LYPD6: variants seen among roughly 807,000 people sequenced by gnomAD.
LYPD6 encodes the protein ly6/PLAUR domain-containing protein 6.
LYPD6 carries 15 observed loss-of-function variants against 22.7 expected under a neutral mutation model. The ratio of observed to expected loss-of-function variants is 0.66; its 90% CI spans 0.44 to 1.02. The LOEUF is 1.02. LYPD6 is among the 50% of genes least tolerant of loss of function. The pLI, the probability that LYPD6 is intolerant of heterozygous loss-of-function variation, is 0.00. For missense variants in LYPD6, 189 were observed against 208.4 expected, an observed-to-expected ratio of 0.91 and a Z score of 0.57; for synonymous variants, 72 against 77.5, an observed-to-expected ratio of 0.93 and a Z score of 0.37.
intron 3 of LYPD6, among the ~76,000 whole-genome samples, chr2:149,466,439 A>G (rs1487037555): frequency 1.3e-5 from 2 of 152,062 alleles, no homozygotes; most frequent in African/African-American, 2.4e-5. Context: ...TGTTTCATGG[A>G]TTGGACTGGG....
At chr2:149,402,720 T>A (rs1010442952) in intron 1 of LYPD6, among the ~76,000 whole-genome samples, 2 of 152,126 alleles carry the variant, frequency 1.3e-5, no homozygotes, top group South Asian at 2.1e-4. Flanking sequence ...CCCACTTTTT[T>A]TTTATTTTTT....
intron 1 of LYPD6, among the ~76,000 whole-genome samples, chr2:149,337,332 G>A (rs764645297): frequency 2.0e-5 from 3 of 152,118 alleles, no homozygotes; most frequent in Non-Finnish European, 2.9e-5. Flanking sequence ...ATTCACTCAC[G>A]TTTTAGTTTG....
At chr2:149,372,205 C>T (rs918766549) in intron 1 of LYPD6, among the ~76,000 whole-genome samples, 3 of 152,150 alleles carry the variant, frequency 2.0e-5, no homozygotes, top group African/African-American at 7.2e-5. Context: ...CTTCAAGCTG[C>T]CGCAGCACAG....
chr2:149,483,961 G>C, the LYPD6 span, among the ~76,000 whole-genome samples: 4 of 152,184 alleles, frequency 2.6e-5, no homozygotes, highest in Non-Finnish European at 5.9e-5. Context: ...TAGGTCTCAA[G>C]TCATGGTTCA....
At chr2:149,480,571 T>TG in the LYPD6 span, among the ~76,000 whole-genome samples, 20 of 152,180 alleles carry the variant, frequency 1.3e-4, no homozygotes, top group African/African-American at 3.6e-4. Flanking sequence ...TTCCTGTGTG[T>TG]GGGGGGGTGT....
At position 149,372,055 on chromosome 2, in the gene LYPD6, G is replaced by A. The variant is rs1170871442; in HGVS notation, c.-72+41333G>A. Among the ~76,000 whole-genome samples the A allele has an allele frequency of 2.0e-5, 3 of 152,108 alleles. No individual in the cohort carries two copies. The East Asian group carries it at 5.8e-4, about 29-fold the overall frequency. ...AGCGGAGGCATTCCAGGGATTTGCT[G>A]CCCTGGGATATTTATTTGAATAGGT... On this transcript the variant is annotated intron_variant, in intron 1 of 4. Coordinates refer to ENST00000334166, the MANE Select transcript of LYPD6 (RefSeq NM_194317.5).
intron 1 of LYPD6, among the ~76,000 whole-genome samples, chr2:149,352,683 G>A (rs531649030): frequency 6.6e-6 from 1 of 152,194 alleles, no homozygotes; most frequent in Admixed American, 6.5e-5. Context: ...GGTTGGTTTT[G>A]CACTACAATG....
intron 1 of LYPD6, among the ~76,000 whole-genome samples, chr2:149,434,474 C>T (rs1683387367): frequency 6.6e-6 from 1 of 152,070 alleles, no homozygotes; most frequent in Non-Finnish European, 1.5e-5. Context: ...TTTCTCACTC[C>T]CATCTGCTCA....
intron 1 of LYPD6, among the ~76,000 whole-genome samples, chr2:149,331,171 T>C (rs914606904): frequency 6.6e-6 from 1 of 152,116 alleles, no homozygotes; most frequent in Non-Finnish European, 1.5e-5. Flanking sequence ...GTAGCCCGGC[T>C]GCGGCCACCC....
intron 1 of LYPD6, among the ~76,000 whole-genome samples, chr2:149,334,579 C>G (rs992346039): frequency 6.6e-6 from 1 of 152,016 alleles, no homozygotes; most frequent in Admixed American, 6.5e-5. Flanking sequence ...ATTGAAGAAG[C>G]CTGGTGTGTA....
At chr2:149,338,983 A>T (rs2105046963) in intron 1 of LYPD6, among the ~76,000 whole-genome samples, 1 of 152,290 alleles carries the variant, frequency 6.6e-6, no homozygotes, top group African/African-American at 2.4e-5. Context: ...GAGGAATTGG[A>T]TAAGAGCAAT....
chr2:149,395,293 T>C (rs58326622), intron 1 of LYPD6, among the ~76,000 whole-genome samples: 6,803 of 152,216 alleles, frequency 0.045, 502 homozygotes, highest in African/African-American at 0.15. Context: ...TGGATTTAAG[T>C]CTGGTATGAT....
Position 149,473,987 on chromosome 2 carries a change from G to A in LYPD6, c.*3137G>A, listed in dbSNP as rs1681402569. ...CTATTTTAAAATCGTATTCTATTTTGGGGGTTGTGTTAATGATGATGAACC... is the reference window on the plus strand; with the variant it reads ...CTATTTTAAAATCGTATTCTATTTTAGGGGTTGTGTTAATGATGATGAACC... On this transcript the variant is annotated 3_prime_UTR_variant, in exon 5 of 5. Transcript: ENST00000334166. 6.6e-6 allele frequency: 1 copy of A among 152,010 alleles called. No homozygotes were observed. Among genetic ancestry groups the A allele is most frequent in the African/African-American group, 2.4e-5 (1 of 41,370 alleles). The allele number at this position is 152,010 out of a possible 1,614,324, so 9.4% of individuals were successfully genotyped here. A position where few individuals can be genotyped will look rare whatever the true frequency, so the allele number is the denominator to read the frequency against.
chr2:149,440,715 T>TTG, intron 2 of LYPD6, among the ~76,000 whole-genome samples: 1 of 145,720 alleles, frequency 6.9e-6, no homozygotes, highest in African/African-American at 2.6e-5. Context: ...TTTTTTTTTT[T>TTG]TTTGAGACAG....
intron 1 of LYPD6, among the ~76,000 whole-genome samples, chr2:149,335,762 T>C (rs920502995): frequency 6.6e-6 from 1 of 152,232 alleles, no homozygotes; most frequent in Non-Finnish European, 1.5e-5. Flanking sequence ...ACCGTATTTT[T>C]ATGGTACCTT....
rs550696602 is a variant in LYPD6 at position 149,437,224 on chromosome 2, C to T, written c.-71-414C>T. Among the ~76,000 whole-genome samples the T allele has an allele frequency of 9.2e-5, 14 of 152,268 alleles. No homozygotes were observed. The East Asian group carries it at 1.7e-3, about 19-fold the overall frequency. On this transcript the variant is annotated intron_variant, in intron 1 of 4. Coordinates refer to ENST00000334166, the MANE Select transcript of LYPD6 (RefSeq NM_194317.5). Reference sequence around the variant, plus strand: ...TGAAAGTCTGCCCTGTACAGGTTTGCATGGACACCCGTGGCCCAGTATGGC... The same window carrying T: ...TGAAAGTCTGCCCTGTACAGGTTTGTATGGACACCCGTGGCCCAGTATGGC...
chr2:149,392,890 G>C (rs1487369750), intron 1 of LYPD6, among the ~76,000 whole-genome samples: 5 of 152,168 alleles, frequency 3.3e-5, no homozygotes, highest in African/African-American at 9.7e-5. Context: ...AGCTGGGCCT[G>C]ATGGTGAGTG....
chr2:149,480,146 A>T, the LYPD6 span, among the ~76,000 whole-genome samples: 2 of 151,816 alleles, frequency 1.3e-5, no homozygotes, highest in Non-Finnish European at 2.9e-5. Context: ...AGTAGCTGGG[A>T]TTACAGGCAT....
At chr2:149,410,653 C>G (rs1383770527) in intron 1 of LYPD6, among the ~76,000 whole-genome samples, 3 of 152,044 alleles carry the variant, frequency 2.0e-5, no homozygotes, top group Non-Finnish European at 4.4e-5. Flanking sequence ...GTCGTTGATT[C>G]CTGATTTTGA....
Sources: allele counts gnomAD v4.1 joint callset (sites outside exome capture counted in the v4.1 genomes callset), GRCh38; gene constraint gnomAD v4.1.1; transcripts MANE v1.5; gene names NCBI Gene and HGNC (gene_info 2026-07-23, HGNC 2026-07-21).